The following GRID1 variants were observed in gnomAD, a reference collection of about 807,000 sequenced individuals.
The protein encoded by GRID1 is glutamate receptor ionotropic, delta-1.
Under a neutral mutation model 98.0 loss-of-function variants are expected in GRID1, and 28 were observed. The ratio of observed to expected loss-of-function variants is 0.29; its 90% CI spans 0.21 to 0.39. The LOEUF (loss-of-function observed/expected upper bound fraction) is 0.39. Ranked by LOEUF, GRID1 falls within the 10% of genes least tolerant of loss-of-function variation. GRID1 has a pLI of 1.00. For missense variants in GRID1, 1,111 were observed against 1,340.5 expected (o/e 0.83, Z 2.67); for synonymous variants, 553 against 538.5 (o/e 1.03, Z -0.37).
At chr10:85,835,638 TTTA>T (rs1842905813) in intron 8 of GRID1, among the ~76,000 whole-genome samples, 1 of 152,246 alleles carries the variant, frequency 6.6e-6, no homozygotes, top group Non-Finnish European at 1.5e-5. Flanking sequence ...TGGGTATGTC[TTTA>T]TTAGCAGTGT....
chr10:85,797,534 A>G (rs1842536232), intron 8 of GRID1, among the ~76,000 whole-genome samples: 1 of 151,570 alleles, frequency 6.6e-6, no homozygotes, highest in Non-Finnish European at 1.5e-5. Flanking sequence ...TGTTCAAGTG[A>G]TTCTCCTGCC....
chr10:86,059,478 C>T (rs1305479532), intron 4 of GRID1, among the ~76,000 whole-genome samples: 1 of 152,256 alleles, frequency 6.6e-6, no homozygotes, highest in East Asian at 1.9e-4. Flanking sequence ...GCCACTGCTA[C>T]TCTCTGTGAC....
chr10:86,298,721 C>G (rs1025768936), intron 2 of GRID1, among the ~76,000 whole-genome samples: 1 of 152,190 alleles, frequency 6.6e-6, no homozygotes, highest in African/African-American at 2.4e-5. Flanking sequence ...CCTACGGCAC[C>G]TGCAACTCTC....
chr10:86,064,720 C>G (rs986872051), intron 4 of GRID1, among the ~76,000 whole-genome samples: 8 of 152,202 alleles, frequency 5.3e-5, no homozygotes, highest in African/African-American at 1.9e-4. Flanking sequence ...CATGATGCTC[C>G]AGCCAATCAG....
chr10:85,743,903 A>G (rs1453942281), intron 8 of GRID1, among the ~76,000 whole-genome samples: 1 of 152,204 alleles, frequency 6.6e-6, no homozygotes, highest in East Asian at 1.9e-4. Context: ...GTGCATAGAT[A>G]GTTCATAGAT....
chr10:85,890,309 A>C, intron 5 of GRID1, among the ~76,000 whole-genome samples: 1 of 152,148 alleles, frequency 6.6e-6, no homozygotes, highest in East Asian at 1.9e-4. Context: ...TTCTCACCAC[A>C]AGGAAATTAC....
At chr10:85,754,209 T>A (rs1020234367) in intron 8 of GRID1, among the ~76,000 whole-genome samples, 1 of 152,140 alleles carries the variant, frequency 6.6e-6, no homozygotes, top group Non-Finnish European at 1.5e-5. Flanking sequence ...CCATCAGAAA[T>A]GTCATTTTTC....
Position 86,138,985 on chromosome 10 carries a change from C to T in GRID1, c.560G>A (p.Arg187Gln), listed in dbSNP as rs768009874. 72 of 1,613,932 alleles carry T rather than the reference C, an allele frequency of 4.5e-5. No individual in the cohort carries two copies. The Middle Eastern group carries it at 1.2e-3, about 26-fold the overall frequency. Residue 187 changes from arginine (R) to glutamine (Q), a missense_variant, in exon 4 of 16, where the codon CGG becomes CAG. By Grantham distance (43) the Arg-to-Gln change is conservative (BLOSUM62 1). Coordinates refer to ENST00000327946, the MANE Select transcript of GRID1 (RefSeq NM_017551.3). ...GLQSFLDQAS[R>Q]LGLDVSLQKV... ...TTGTAAAGAGACGTCAAGGCCCAGC[C>T]GCGAGGCCTGGTCCAGAAAGCTTTG...
intron 4 of GRID1, among the ~76,000 whole-genome samples, chr10:85,963,882 G>T (rs1358237056): frequency 1.3e-5 from 2 of 152,140 alleles, no homozygotes; most frequent in African/African-American, 4.8e-5. Context: ...TTACTTAAAA[G>T]GTCCTCATAT....
At chr10:85,631,720 G>T (rs578188745) in intron 13 of GRID1, among the ~76,000 whole-genome samples, 1 of 152,106 alleles carries the variant, frequency 6.6e-6, no homozygotes, top group Non-Finnish European at 1.5e-5. Flanking sequence ...CAAAGACCAT[G>T]ATAAACAATA....
At chr10:85,961,452 A>G (rs1246100967) in intron 4 of GRID1, among the ~76,000 whole-genome samples, 1 of 152,120 alleles carries the variant, frequency 6.6e-6, no homozygotes, top group Non-Finnish European at 1.5e-5. Context: ...TCCTGAGGCA[A>G]ACGAAATCAA....
At chr10:85,862,942 A>G (rs988693506) in intron 6 of GRID1, among the ~76,000 whole-genome samples, 4 of 152,122 alleles carry the variant, frequency 2.6e-5, no homozygotes, top group Non-Finnish European at 5.9e-5. Context: ...GGGGGCAGGG[A>G]AGCAGTGCTC....
intron 13 of GRID1, among the ~76,000 whole-genome samples, chr10:85,639,303 G>A (rs539126452): frequency 6.6e-6 from 1 of 152,146 alleles, no homozygotes; most frequent in African/African-American, 2.4e-5. Context: ...TTTGTTGGGT[G>A]AAAGAATGAA....
chr10:86,101,283 T>C (rs920283842), intron 4 of GRID1, among the ~76,000 whole-genome samples: 2 of 152,202 alleles, frequency 1.3e-5, no homozygotes, highest in African/African-American at 4.8e-5. Context: ...GTTTTTTAAA[T>C]CAAAGTGTAA....
intron 2 of GRID1, among the ~76,000 whole-genome samples, chr10:86,331,210 C>T (rs1476667451): frequency 2.6e-5 from 4 of 152,234 alleles, no homozygotes; most frequent in Non-Finnish European, 1.5e-5. Context: ...ACCTCTCTGC[C>T]AGCCGCCCAG....
At chr10:86,253,521 T>A (rs964805878) in intron 2 of GRID1, among the ~76,000 whole-genome samples, 11 of 152,184 alleles carry the variant, frequency 7.2e-5, no homozygotes, top group Non-Finnish European at 1.3e-4. Flanking sequence ...AGCACAGAGC[T>A]GTACATTGCC....
chr10:86,011,066 G>C (rs1443417137), intron 4 of GRID1, among the ~76,000 whole-genome samples: 1 of 152,142 alleles, frequency 6.6e-6, no homozygotes, highest in Non-Finnish European at 1.5e-5. Flanking sequence ...ACTCACACTG[G>C]ATGAAGAATA....
At chr10:85,851,075 C>T (rs181294595) in intron 8 of GRID1, among the ~76,000 whole-genome samples, 5 of 152,264 alleles carry the variant, frequency 3.3e-5, no homozygotes, top group Admixed American at 6.5e-5. Flanking sequence ...TACATGGACA[C>T]GTTCATGGAA....
chr10:85,618,356 T>C (rs1044304110), intron 14 of GRID1, among the ~76,000 whole-genome samples: 9 of 152,208 alleles, frequency 5.9e-5, no homozygotes, highest in African/African-American at 2.2e-4. Flanking sequence ...CAGAGGTTGA[T>C]GGTCTGTGGA....
Sources: allele counts gnomAD v4.1 joint callset (sites outside exome capture counted in the v4.1 genomes callset), GRCh38; gene constraint gnomAD v4.1.1; transcripts MANE v1.5; gene names NCBI Gene and HGNC (gene_info 2026-07-23, HGNC 2026-07-21).